CTTNBP2: variants seen among roughly 807,000 people sequenced by gnomAD.
CTTNBP2 encodes cortactin-binding protein 2.
A neutral mutation model predicts 156.9 loss-of-function variants in CTTNBP2; 108 were observed. That is an observed-to-expected ratio of 0.69 (90% confidence interval 0.59 to 0.81). The LOEUF is 0.81. Among genes scored for constraint, CTTNBP2 ranks in the 30% least tolerant of loss-of-function variants. CTTNBP2 has a pLI of 0.00. For missense variants in CTTNBP2, 1,924 were observed against 2,035.4 expected (o/e 0.95, Z 1.05); for synonymous variants, 767 against 751.8 (o/e 1.02, Z -0.33).
intron 8 of CTTNBP2, among the ~76,000 whole-genome samples, chr7:117,776,728 T>C (rs1007065935): frequency 6.6e-6 from 1 of 152,236 alleles, no homozygotes; most frequent in African/African-American, 2.4e-5. Context: ...TTCTCTTTCT[T>C]TTTCCCGTAA....
At chr7:117,762,834 G>A (rs923092869) in intron 9 of CTTNBP2, among the ~76,000 whole-genome samples, 4 of 152,150 alleles carry the variant, frequency 2.6e-5, no homozygotes, top group African/African-American at 4.8e-5. Context: ...GCTCTGACCC[G>A]TCTTCCTGCT....
chr7:117,861,348 A>T (rs1240440178), intron 1 of CTTNBP2, 32 bp from the exon 2 acceptor site: 22 of 1,479,906 alleles, frequency 1.5e-5, no homozygotes, highest in African/African-American at 4.2e-5. Context: ...GGCCATGAAA[A>T]ATCTTTTCCT....
At chr7:117,715,429 C>T (rs1794291163) in intron 22 of CTTNBP2, among the ~76,000 whole-genome samples, 2 of 145,606 alleles carry the variant, frequency 1.4e-5, no homozygotes, top group Admixed American at 1.4e-4. Flanking sequence ...CTTTAAAAAA[C>T]CCATTGTCCA....
At chr7:117,723,752 CTTT>C (rs35193550) in intron 19 of CTTNBP2, among the ~76,000 whole-genome samples, 173 of 133,500 alleles carry the variant, frequency 1.3e-3, no homozygotes, top group Middle Eastern at 3.8e-3. Context: ...ACGGCAGGAT[CTTT>C]TTTTTTTTTT....
At chr7:117,719,380 A>T (rs1266707833) in intron 21 of CTTNBP2, 124 bp downstream of exon 21, 4 of 884,448 alleles carry the variant, frequency 4.5e-6, no homozygotes, top group Non-Finnish European at 6.8e-6. Context: ...AAGGTGAGGG[A>T]TGGTTTGATT....
intron 9 of CTTNBP2, among the ~76,000 whole-genome samples, chr7:117,761,799 T>C (rs1797232159): frequency 6.6e-6 from 1 of 152,224 alleles, no homozygotes; most frequent in Non-Finnish European, 1.5e-5. Flanking sequence ...CAGTAGAACC[T>C]GTACTAAAGA....
At chr7:117,860,914 C>A (rs1803686103) in intron 2 of CTTNBP2, among the ~76,000 whole-genome samples, 1 of 152,120 alleles carries the variant, frequency 6.6e-6, no homozygotes. Context: ...ACGTTTCTAA[C>A]CAAATAAACA....
At chr7:117,743,486 C>T (rs1445044448) in intron 14 of CTTNBP2, among the ~76,000 whole-genome samples, 1 of 151,986 alleles carries the variant, frequency 6.6e-6, no homozygotes, top group Non-Finnish European at 1.5e-5. Context: ...CCCTTTATTT[C>T]AAGTGTTTTC....
chr7:117,843,867 C>T lies in CTTNBP2; in HGVS notation c.189+17342G>A, dbSNP rs139200237. ...CCAAAGATGTCCACATCCTAATCTC[C>T]GGGACCTGTGAATATGTTCCCTTAC... On this transcript the variant is annotated intron_variant, in intron 2 of 22. Transcript: ENST00000160373. 3.6e-3 allele frequency among the ~76,000 whole-genome samples: 542 copies of T among 152,248 alleles called. 6 individuals are homozygous for T. The highest frequency in any genetic ancestry group is 0.012 in the African/African-American group (509 of 41,546).
intron 2 of CTTNBP2, among the ~76,000 whole-genome samples, chr7:117,859,794 G>A (rs962686878): frequency 2.0e-5 from 3 of 152,090 alleles, no homozygotes; most frequent in Admixed American, 6.5e-5. Context: ...ACTCAGTATC[G>A]GCCACTATAC....
intron 2 of CTTNBP2, among the ~76,000 whole-genome samples, chr7:117,833,259 C>T (rs111312126): frequency 2.6e-5 from 4 of 152,278 alleles, no homozygotes; most frequent in African/African-American, 9.6e-5. Context: ...AATGAAGGTG[C>T]TGGGCCATGC....
intron 12 of CTTNBP2, among the ~76,000 whole-genome samples, chr7:117,749,963 C>T (rs1032025039): frequency 3.9e-5 from 6 of 152,086 alleles, no homozygotes; most frequent in African/African-American, 1.4e-4. Context: ...AATTTTAAAC[C>T]GGAGCTCTTG....
At chr7:117,804,702 T>C (rs1473905939) in intron 3 of CTTNBP2, among the ~76,000 whole-genome samples, 2 of 152,176 alleles carry the variant, frequency 1.3e-5, no homozygotes, top group Non-Finnish European at 2.9e-5. Flanking sequence ...TTCTCACTTA[T>C]AAGTGGGAGC....
rs532113487 is a variant in CTTNBP2, at chr7:117,741,789, T to C, written c.3535+4042A>G. Among the ~76,000 whole-genome samples, 61 of 152,350 alleles carry C rather than the reference T, an allele frequency of 4.0e-4. 1 individual carries two copies. The highest frequency in any genetic ancestry group is 1.4e-3 in the African/African-American group (59 of 41,584). ...CCCTTATCAATACCTGTCTTTCTAA[T>C]CTTACTTCTTTCTACCTCGACTCTA... On this transcript the variant is annotated intron_variant, in intron 14 of 22. Transcript: ENST00000160373.
chr7:117,863,578 G>C (rs1014571492), intron 1 of CTTNBP2, among the ~76,000 whole-genome samples: 2 of 152,248 alleles, frequency 1.3e-5, no homozygotes, highest in Non-Finnish European at 1.5e-5. Context: ...CTTCTAACAA[G>C]CTCCTGCTGA....
At chr7:117,795,410 C>G (rs1799263514) in intron 3 of CTTNBP2, among the ~76,000 whole-genome samples, 1 of 152,114 alleles carries the variant, frequency 6.6e-6, no homozygotes. Flanking sequence ...AAAACATAAA[C>G]TAGGCCAGTT....
intron 3 of CTTNBP2, among the ~76,000 whole-genome samples, chr7:117,806,857 C>G (rs1799983635): frequency 6.7e-6 from 1 of 150,152 alleles, no homozygotes; most frequent in Admixed American, 6.7e-5. Flanking sequence ...CTCCCAGGGT[C>G]AAGCAATTCT....
intron 6 of CTTNBP2, among the ~76,000 whole-genome samples, chr7:117,781,201 G>A (rs1798418557): frequency 6.6e-6 from 1 of 152,238 alleles, no homozygotes; most frequent in African/African-American, 2.4e-5. Flanking sequence ...GGAAAGAAAT[G>A]AGGTAAAGTC....
chr7:117,838,759 A>G (rs926512530), intron 2 of CTTNBP2, among the ~76,000 whole-genome samples: 5 of 152,146 alleles, frequency 3.3e-5, no homozygotes, highest in Non-Finnish European at 5.9e-5. Flanking sequence ...ATAGTGGCAT[A>G]TAAAATACTG....
Sources: gnomAD v4.1 joint callset for allele counts (sites outside exome capture counted in the v4.1 genomes callset) on GRCh38, gnomAD v4.1.1 for gene constraint, MANE v1.5 for transcripts, NCBI Gene and HGNC (gene_info 2026-07-23, HGNC 2026-07-21) for gene names.